MTRF1: variants seen among roughly 807,000 people sequenced by gnomAD.
MTRF1 encodes peptide chain release factor 1, mitochondrial.
Under a neutral mutation model 62.9 loss-of-function variants are expected in MTRF1, and 51 were observed. The observed-to-expected ratio is 0.81, with a 90% CI of 0.65 to 1.02. MTRF1 has a LOEUF of 1.02. MTRF1 is among the 50% of genes least tolerant of loss of function. The pLI is 0.00. For missense variants in MTRF1, 446 were observed against 530.0 expected, an observed-to-expected ratio of 0.84 and a Z score of 1.56; for synonymous variants, 158 against 181.9, an observed-to-expected ratio of 0.87 and a Z score of 1.06.
the MTRF1 span, among the ~76,000 whole-genome samples, chr13:41,300,517 C>T: frequency 3.3e-5 from 5 of 149,546 alleles, no homozygotes; most frequent in African/African-American, 1.2e-4. Flanking sequence ...ACCCAGGAGG[C>T]GGAGCTTGCA....
At chr13:41,252,877 G>T (rs1314579881) in intron 4 of MTRF1, 72 bp downstream of exon 4, 3 of 1,363,674 alleles carry the variant, frequency 2.2e-6, no homozygotes, top group Non-Finnish European at 3.1e-6. Context: ...GACTTTTAAA[G>T]TTAGTGTTAT....
chr13:41,281,029 T>C, the MTRF1 span, among the ~76,000 whole-genome samples: 3 of 152,168 alleles, frequency 2.0e-5, no homozygotes, highest in African/African-American at 7.2e-5. Context: ...CCTCCCTTGG[T>C]AAGAATTGTA....
chr13:41,235,956 T>C (rs141726773), intron 6 of MTRF1: 2,623 of 152,658 alleles, frequency 0.017, 45 homozygotes, highest in Non-Finnish European at 0.025. Flanking sequence ...CAGGCTGGAA[T>C]GCAGTGGCGT....
chr13:41,237,936 T>C (rs781605657), intron 6 of MTRF1, among the ~76,000 whole-genome samples: 29 of 152,116 alleles, frequency 1.9e-4, no homozygotes, highest in Non-Finnish European at 3.5e-4. Flanking sequence ...AATAAACATA[T>C]TAAAGTGATT....
chr13:41,219,078 G>A (rs1366097542), intron 9 of MTRF1, among the ~76,000 whole-genome samples: 2 of 147,670 alleles, frequency 1.4e-5, no homozygotes, highest in South Asian at 2.2e-4. Flanking sequence ...ATCACCTGAG[G>A]TCAGGAGATT....
intron 5 of MTRF1, among the ~76,000 whole-genome samples, chr13:41,241,237 G>A (rs1452240798): frequency 6.6e-6 from 1 of 152,100 alleles, no homozygotes; most frequent in Non-Finnish European, 1.5e-5. Context: ...GTAGAGGCGG[G>A]GTTTCACTAT....
chr13:41,302,951 T>C, the MTRF1 span, among the ~76,000 whole-genome samples: 1 of 152,098 alleles, frequency 6.6e-6, no homozygotes, highest in Non-Finnish European at 1.5e-5. Context: ...TTCCAGCTAT[T>C]CAAGAGAGCA....
At chr13:41,252,316 T>C (rs1460461809) in intron 5 of MTRF1, 2 of 142,510 alleles carry the variant, frequency 1.4e-5, no homozygotes, top group African/African-American at 5.5e-5. Context: ...TTTATAAAGT[T>C]ATTTAAAGTA....
the MTRF1 span, among the ~76,000 whole-genome samples, chr13:41,285,232 C>A: frequency 3.9e-5 from 6 of 152,246 alleles, no homozygotes; most frequent in East Asian, 1.2e-3. Flanking sequence ...ATGAGGAGTC[C>A]TCTTCCCTTC....
At chr13:41,294,246 C>T in the MTRF1 span, among the ~76,000 whole-genome samples, 3 of 151,802 alleles carry the variant, frequency 2.0e-5, no homozygotes, top group East Asian at 1.9e-4. Context: ...GGTGAAACCC[C>T]GTCTCTACTA....
the MTRF1 span, among the ~76,000 whole-genome samples, chr13:41,283,170 C>T: frequency 6.6e-6 from 1 of 152,208 alleles, no homozygotes; most frequent in Admixed American, 6.5e-5. Context: ...TCTAGCAGCT[C>T]TTCACACAGT....
chr13:41,271,082 C>CACACACAT, the MTRF1 span, among the ~76,000 whole-genome samples: 122 of 150,052 alleles, frequency 8.1e-4, no homozygotes, highest in Admixed American at 1.8e-3. Flanking sequence ...CACACACACA[C>CACACACAT]ACACACACAC....
At chr13:41,264,480 T>A (rs2040772694), upstream of MTRF1, among the ~76,000 whole-genome samples, 1 of 152,230 alleles carries the variant, frequency 6.6e-6, no homozygotes, top group African/African-American at 2.4e-5. Context: ...CATGCCTCAA[T>A]TTTTCTTCCT....
chr13:41,252,386 G>A (rs972116906), intron 5 of MTRF1: 7 of 270,578 alleles, frequency 2.6e-5, no homozygotes, highest in Non-Finnish European at 4.1e-5. Context: ...GGCAAGATAC[G>A]TATCTAAGTT....
chr13:41,275,144 A>C, the MTRF1 span, among the ~76,000 whole-genome samples: 1 of 152,194 alleles, frequency 6.6e-6, no homozygotes, highest in South Asian at 2.1e-4. Context: ...TTCCAAATTT[A>C]GTTGATTCTG....
chr13:41,298,802 G>T, the MTRF1 span, among the ~76,000 whole-genome samples: 2 of 152,136 alleles, frequency 1.3e-5, no homozygotes, highest in Admixed American at 1.3e-4. Context: ...TGAACACAAG[G>T]TATTTCCAAA....
the MTRF1 span, among the ~76,000 whole-genome samples, chr13:41,284,714 C>T: frequency 8.9e-4 from 135 of 152,194 alleles, no homozygotes; most frequent in African/African-American, 3.0e-3. Context: ...AGTGCAGTGG[C>T]GTGATATCAA....
chr13:41,232,366 C>A (rs1032755222), intron 7 of MTRF1, among the ~76,000 whole-genome samples: 10 of 151,932 alleles, frequency 6.6e-5, no homozygotes, highest in African/African-American at 2.4e-4. Flanking sequence ...AAAACAAATT[C>A]AAGAGGTCTA....
chr13:41,299,517 A>T, the MTRF1 span, among the ~76,000 whole-genome samples: 1 of 152,136 alleles, frequency 6.6e-6, no homozygotes, highest in Non-Finnish European at 1.5e-5. Flanking sequence ...TTGCATGAGG[A>T]GGTGCTGTGA....
Sources: gnomAD v4.1 joint callset for allele counts (sites outside exome capture counted in the v4.1 genomes callset) on GRCh38, gnomAD v4.1.1 for gene constraint, MANE v1.5 for transcripts, NCBI Gene and HGNC (gene_info 2026-07-23, HGNC 2026-07-21) for gene names.